The following CERT1 variants were observed in gnomAD, a reference collection of about 807,000 sequenced individuals.
CERT1 encodes the protein ceramide transfer protein.
A neutral mutation model predicts 87.9 loss-of-function variants in CERT1; 31 were observed. That is an observed-to-expected ratio of 0.35 (90% CI 0.27 to 0.48). CERT1 has a LOEUF of 0.48. Ranked by LOEUF, CERT1 falls within the 20% of genes least tolerant of loss-of-function variation. The probability of loss-of-function intolerance (pLI) is 0.99; values close to 1 mark genes in which losing one functional copy is unlikely to be tolerated. For missense variants in CERT1, 487 were observed against 758.0 expected, an observed-to-expected ratio of 0.64 and a Z score of 4.20; for synonymous variants, 289 against 250.9, an observed-to-expected ratio of 1.15 and a Z score of -1.44.
At chr5:75,472,404 A>G (rs1294235891) in intron 2 of CERT1, among the ~76,000 whole-genome samples, 1 of 152,242 alleles carries the variant, frequency 6.6e-6, no homozygotes, top group Non-Finnish European at 1.5e-5. Context: ...AGCATAGGCA[A>G]CAAAATAAAA....
At chr5:75,405,296 A>T (rs1358945423) in intron 8 of CERT1, among the ~76,000 whole-genome samples, 1 of 152,056 alleles carries the variant, frequency 6.6e-6, no homozygotes, top group Non-Finnish European at 1.5e-5. Context: ...AAGCACTCTT[A>T]TGGGGCTCCT....
intron 8 of CERT1, among the ~76,000 whole-genome samples, chr5:75,404,398 C>T (rs901864965): frequency 2.0e-5 from 3 of 151,120 alleles, no homozygotes; most frequent in Admixed American, 6.6e-5. Flanking sequence ...CATCTAATGA[C>T]CATCTGGGAC....
chr5:75,381,137 G>A lies in CERT1; in HGVS notation c.1682C>T (p.Pro561Leu), dbSNP rs1393566177. Reference sequence around the variant, plus strand: ...GCTAATTTCCTGGTTTCCCTCTGGTGGGCTTACCAAGGTTTGACAAATCAT... The same window carrying A: ...GCTAATTTCCTGGTTTCCCTCTGGTAGGCTTACCAAGGTTTGACAAATCAT... The part of the protein sequence containing the change: ...VAMICQTLVS[P>L]PEGNQEISRD... Residue 561 changes from proline (P) to leucine (L), a missense_variant, in exon 16 of 17, where the codon CCA becomes CTA. Pro to Leu is a moderately conservative substitution (Grantham distance 98). Around this residue, in one of 8 missense-constraint regions of CERT1, gnomAD observed 147 missense variants for 200.8 expected, o/e 0.73. Transcript: ENST00000643780. 1 of 1,613,930 alleles carries A rather than the reference G, an allele frequency of 6.2e-7. No individual in the cohort carries two copies. The highest frequency in any genetic ancestry group is 2.2e-5 in the East Asian group (1 of 44,888).
At position 75,381,999 on chromosome 5, in the gene CERT1, G is replaced by A; in HGVS notation, c.1567C>T (p.Pro523Ser). ...RKIPALTEND[P>S]ETWIVCNFSV... is the part of the protein sequence containing the mutation. ...AAATTACAAACTATCCAAGTTTCAGGGTCATTTTCAGTCAAGGCTGGTATC... is the reference window on the plus strand; with the variant it reads ...AAATTACAAACTATCCAAGTTTCAGAGTCATTTTCAGTCAAGGCTGGTATC... The change falls in exon 15 of 17, where the codon CCT becomes TCT. Residue 523 changes from proline (P) to serine (S), a missense_variant. By Grantham distance (74) the Pro-to-Ser change is moderately conservative. Coordinates refer to ENST00000643780, the MANE Select transcript of CERT1 (RefSeq NM_001379029.1). 6.2e-7 allele frequency: 1 copy of A among 1,613,794 alleles called. No individual in the cohort carries two copies. The highest frequency in any genetic ancestry group is 1.3e-5 in the African/African-American group (1 of 75,000).
intron 3 of CERT1, among the ~76,000 whole-genome samples, chr5:75,432,787 A>G (rs543896262): frequency 2.6e-5 from 4 of 152,348 alleles, no homozygotes; most frequent in Admixed American, 2.0e-4. Context: ...CTATGCCTAG[A>G]CCAGTATGTC....
chr5:75,470,250 C>A (rs1172484682), intron 2 of CERT1, among the ~76,000 whole-genome samples: 5 of 152,142 alleles, frequency 3.3e-5, no homozygotes, highest in Non-Finnish European at 2.9e-5. Context: ...ATATATTATT[C>A]TTCTTAACTA....
chr5:75,375,463 A>T (rs1479546649), downstream of CERT1: 1 of 151,590 alleles, frequency 6.6e-6, no homozygotes, highest in Non-Finnish European at 1.5e-5. Flanking sequence ...GTGTGTGCCT[A>T]TAGTCCCAGC....
chr5:75,416,743 C>A, intron 7 of CERT1, 133 bp downstream of exon 7: 1 of 660,274 alleles, frequency 1.5e-6, no homozygotes, highest in Non-Finnish European at 2.5e-6. Flanking sequence ...CATAAAGCTT[C>A]AGAGTAGTAG....
At chr5:75,459,916 T>G (rs1170428443) in intron 2 of CERT1, among the ~76,000 whole-genome samples, 1 of 142,294 alleles carries the variant, frequency 7.0e-6, no homozygotes, top group Non-Finnish European at 1.5e-5. Flanking sequence ...GAGCCGAGAT[T>G]GCGCCACTGC....
intron 3 of CERT1, 60 bp from the exon 4 acceptor site, chr5:75,426,538 A>C: frequency 8.2e-7 from 1 of 1,225,462 alleles, no homozygotes; most frequent in Non-Finnish European, 1.2e-6. Flanking sequence ...GAGAAAACAA[A>C]AGGTTTCCTA....
chr5:75,415,784 G>C (rs1169151970), intron 7 of CERT1, among the ~76,000 whole-genome samples: 3 of 151,542 alleles, frequency 2.0e-5, no homozygotes, highest in African/African-American at 7.3e-5. Context: ...TTTGTGAACA[G>C]GGACTCTTCT....
chr5:75,373,911 G>A (rs1247324488), downstream of CERT1: 1 of 393,904 alleles, frequency 2.5e-6, no homozygotes, highest in Admixed American at 4.4e-5. Context: ...ATTCAAAGTT[G>A]ATTTTTTTTT....
intron 11 of CERT1, among the ~76,000 whole-genome samples, chr5:75,399,029 T>C (rs578153278): frequency 6.6e-6 from 1 of 152,302 alleles, no homozygotes; most frequent in Admixed American, 6.5e-5. Context: ...TTACATGATA[T>C]ACAAAACCCA....
rs531047828 is a variant in CERT1, at chr5:75,500,016, G to T, written c.231+5966C>A. On this transcript the variant is annotated intron_variant, in intron 2 of 16. Coordinates refer to ENST00000643780, the MANE Select transcript of CERT1 (RefSeq NM_001379029.1). ...TTGGACCCCTAATCCAGTATGACTG[G>T]TGTCCTGATAAATAGGGGAAATCTG... Among the ~76,000 whole-genome samples, 6 of 152,304 alleles carry T rather than the reference G, an allele frequency of 3.9e-5. No individual in the cohort carries two copies. The South Asian group carries it at 6.2e-4, about 16-fold the overall frequency.
At chr5:75,483,808 C>G (rs1433698210) in intron 2 of CERT1, among the ~76,000 whole-genome samples, 2 of 151,726 alleles carry the variant, frequency 1.3e-5, no homozygotes, top group Non-Finnish European at 2.9e-5. Context: ...CAACACTAGA[C>G]CTGTCTTGTA....
intron 2 of CERT1, among the ~76,000 whole-genome samples, chr5:75,463,127 TATAAC>T (rs1448623624): frequency 1.4e-5 from 2 of 147,662 alleles, no homozygotes. Context: ...AACATGAAAA[TATAAC>T]ATACATAACA....
chr5:75,418,982 A>G (rs1253882382), intron 6 of CERT1, among the ~76,000 whole-genome samples: 2 of 152,202 alleles, frequency 1.3e-5, no homozygotes, highest in East Asian at 3.8e-4. Flanking sequence ...GCTTTTTTAA[A>G]GCTTATATTT....
intron 14 of CERT1, among the ~76,000 whole-genome samples, chr5:75,384,389 A>C (rs2112007050): frequency 6.6e-6 from 1 of 152,296 alleles, no homozygotes; most frequent in South Asian, 2.1e-4. Flanking sequence ...AAAGTGCACA[A>C]AGGGAACTAA....
intron 3 of CERT1, among the ~76,000 whole-genome samples, chr5:75,450,095 A>G (rs1227441665): frequency 6.6e-6 from 1 of 152,164 alleles, no homozygotes; most frequent in African/African-American, 2.4e-5. Context: ...CACCTGAAAA[A>G]TCACTGACCT....
Sources: allele counts gnomAD v4.1 joint callset (sites outside exome capture counted in the v4.1 genomes callset), GRCh38; gene constraint gnomAD v4.1.1; regional missense constraint gnomAD v4.1.1; transcripts MANE v1.5; gene names NCBI Gene and HGNC (gene_info 2026-07-23, HGNC 2026-07-21).